SGK3: variants seen among roughly 807,000 people sequenced by gnomAD.
SGK3 encodes the protein serine/threonine-protein kinase Sgk3.
In SGK3, 47 loss-of-function variants were observed where a neutral mutation model predicts 68.5. That is an observed-to-expected ratio of 0.69 (90% CI 0.54 to 0.87). The LOEUF is 0.87. Among genes scored for constraint, SGK3 ranks in the 40% least tolerant of loss-of-function variants. The pLI is 0.00. For missense variants in SGK3, 479 were observed against 575.5 expected (o/e 0.83, Z 1.72); for synonymous variants, 181 against 189.1 (o/e 0.96, Z 0.35).
intron 10 of SGK3, among the ~76,000 whole-genome samples, chr8:66,838,560 G>A (rs550434322): frequency 2.6e-5 from 4 of 152,220 alleles, no homozygotes; most frequent in African/African-American, 7.2e-5. Flanking sequence ...ATACCACTGC[G>A]AGCTCCCTGC....
intron 1 of SGK3, among the ~76,000 whole-genome samples, chr8:66,791,569 T>G (rs1262270395): frequency 1.3e-5 from 2 of 152,212 alleles, no homozygotes; most frequent in African/African-American, 4.8e-5. Flanking sequence ...CTGATGCCAT[T>G]TAATGTGCTA....
chr8:66,788,034 G>A (rs919529622), intron 1 of SGK3, among the ~76,000 whole-genome samples: 25 of 152,162 alleles, frequency 1.6e-4, no homozygotes, highest in Non-Finnish European at 3.2e-4. Flanking sequence ...CTTCTGGCCG[G>A]TGCCAGCACA....
chr8:66,748,574 C>T (rs959539134), intron 1 of SGK3, among the ~76,000 whole-genome samples: 4 of 152,144 alleles, frequency 2.6e-5, no homozygotes, highest in African/African-American at 4.8e-5. Flanking sequence ...ACCAGCATCT[C>T]GATCCTCCTG....
At chr8:66,761,005 G>A (rs552887711) in intron 1 of SGK3, among the ~76,000 whole-genome samples, 13 of 141,236 alleles carry the variant, frequency 9.2e-5, no homozygotes, top group Middle Eastern at 8.1e-3. Context: ...CAACAACAGT[G>A]AAACTCTGTC....
chr8:66,774,629 C>G (rs926824599), intron 1 of SGK3, among the ~76,000 whole-genome samples: 2 of 152,142 alleles, frequency 1.3e-5, no homozygotes, highest in African/African-American at 4.8e-5. Flanking sequence ...TCTGCTCTCT[C>G]GTGATGCGCC....
intron 3 of SGK3, among the ~76,000 whole-genome samples, chr8:66,801,897 A>G (rs1807961386): frequency 6.6e-6 from 1 of 152,228 alleles, no homozygotes; most frequent in African/African-American, 2.4e-5. Flanking sequence ...GTGATTAATT[A>G]AATTGTTAAT....
intron 14 of SGK3, among the ~76,000 whole-genome samples, chr8:66,846,376 G>A (rs765157051): frequency 2.6e-5 from 4 of 151,962 alleles, no homozygotes; most frequent in East Asian, 1.9e-4. Flanking sequence ...GTGCAGTGGC[G>A]CAATCTCAGC....
At chr8:66,742,342 A>G (rs1805505603) in intron 1 of SGK3, among the ~76,000 whole-genome samples, 1 of 152,054 alleles carries the variant, frequency 6.6e-6, no homozygotes, top group African/African-American at 2.4e-5. Flanking sequence ...TTCTAGTCAC[A>G]TGTTATATAT....
intron 8 of SGK3, among the ~76,000 whole-genome samples, chr8:66,833,086 A>G (rs1809369598): frequency 6.6e-6 from 1 of 151,686 alleles, no homozygotes; most frequent in South Asian, 2.1e-4. Context: ...GCTCACTGCA[A>G]CCTCTGCATC....
chr8:66,816,166 A>AT (rs1170950772), intron 5 of SGK3, among the ~76,000 whole-genome samples: 3 of 149,248 alleles, frequency 2.0e-5, no homozygotes, highest in East Asian at 4.0e-4. Context: ...CGCCCACCTA[A>AT]TTTTTTTTTG....
intron 1 of SGK3, among the ~76,000 whole-genome samples, chr8:66,714,929 C>G (rs58529679): frequency 0.01 from 1,572 of 152,280 alleles, 26 homozygotes; most frequent in African/African-American, 0.034. Flanking sequence ...TAATAAACAT[C>G]TGTGGAATGA....
chr8:66,755,233 CG>C (rs1008845804), intron 1 of SGK3, among the ~76,000 whole-genome samples: 1 of 144,558 alleles, frequency 6.9e-6, no homozygotes, highest in Non-Finnish European at 1.5e-5. Flanking sequence ...CACTCCAGTC[CG>C]GGGGACAGAG....
At chr8:66,733,969 G>A (rs963524326) in intron 1 of SGK3, among the ~76,000 whole-genome samples, 8 of 152,086 alleles carry the variant, frequency 5.3e-5, no homozygotes, top group African/African-American at 1.7e-4. Flanking sequence ...CTTAAATTTA[G>A]AGTTCCACAC....
At chr8:66,783,499 G>A (rs751688378) in intron 1 of SGK3, among the ~76,000 whole-genome samples, 2 of 152,068 alleles carry the variant, frequency 1.3e-5, no homozygotes, top group Non-Finnish European at 1.5e-5. Context: ...TAATTTTTGT[G>A]TGTGTGTGTG....
intron 14 of SGK3, among the ~76,000 whole-genome samples, chr8:66,844,388 A>G (rs1055355213): frequency 6.6e-6 from 1 of 152,222 alleles, no homozygotes; most frequent in Non-Finnish European, 1.5e-5. Context: ...AGTGATGTTT[A>G]TGCAGTCAGT....
At chr8:66,783,146 A>G (rs1201848322) in intron 1 of SGK3, among the ~76,000 whole-genome samples, 3 of 152,202 alleles carry the variant, frequency 2.0e-5, no homozygotes, top group African/African-American at 7.2e-5. Context: ...TGGTGTTGTC[A>G]GTGTTCTGGA....
intron 1 of SGK3, among the ~76,000 whole-genome samples, chr8:66,740,780 G>A (rs190270560): frequency 0.011 from 1,641 of 152,054 alleles, 7 homozygotes; most frequent in Middle Eastern, 0.02. Flanking sequence ...GGTGGTGCAC[G>A]CCCGTAGTCC....
At chr8:66,808,731 C>T (rs1466232564) in intron 4 of SGK3, among the ~76,000 whole-genome samples, 2 of 149,780 alleles carry the variant, frequency 1.3e-5, no homozygotes, top group African/African-American at 2.5e-5. Flanking sequence ...AGGCTGGTCT[C>T]GAACTCCTGA....
At chr8:66,815,043 C>CT (rs1264943139) in intron 5 of SGK3, among the ~76,000 whole-genome samples, 1 of 152,140 alleles carries the variant, frequency 6.6e-6, no homozygotes, top group African/African-American at 2.4e-5. Context: ...ATATGACACA[C>CT]TTTAACAGTC....
Sources: gnomAD v4.1 joint callset for allele counts (sites outside exome capture counted in the v4.1 genomes callset) on GRCh38, gnomAD v4.1.1 for gene constraint, MANE v1.5 for transcripts, NCBI Gene and HGNC (gene_info 2026-07-23, HGNC 2026-07-21) for gene names.